Variants in CACNA1D observed in about 807,000 individuals in gnomAD.
The protein encoded by CACNA1D is calcium voltage-gated channel subunit alpha1 D.
A neutral mutation model predicts 257.1 loss-of-function variants in CACNA1D; 55 were observed. The observed-to-expected ratio is 0.21, with a 90% CI of 0.17 to 0.27. The LOEUF is 0.27. Among genes scored for constraint, CACNA1D ranks in the 10% least tolerant of loss-of-function variants. The pLI is 1.00. For synonymous variants in CACNA1D, 980 were observed against 1,014.9 expected (o/e 0.97, Z 0.65); for missense variants, 1,876 against 2,784.0 (o/e 0.67, Z 7.34).
chr3:53,527,023 A>C (rs2091790485), intron 3 of CACNA1D, among the ~76,000 whole-genome samples: 1 of 152,248 alleles, frequency 6.6e-6, no homozygotes, highest in Non-Finnish European at 1.5e-5. Flanking sequence ...CGTGTTAGAA[A>C]GCTCTCAAAC....
At chr3:53,580,390 A>G (rs889400769) in intron 3 of CACNA1D, among the ~76,000 whole-genome samples, 1 of 152,200 alleles carries the variant, frequency 6.6e-6, no homozygotes, top group Non-Finnish European at 1.5e-5. Flanking sequence ...TGTCTTTTAC[A>G]ATGTTTAGCA....
At chr3:53,552,628 G>A (rs527664771) in intron 3 of CACNA1D, among the ~76,000 whole-genome samples, 4 of 152,234 alleles carry the variant, frequency 2.6e-5, no homozygotes, top group Non-Finnish European at 2.9e-5. Context: ...TGATCTGCCC[G>A]CCTCGGCCTC....
chr3:53,673,587 C>A lies in CACNA1D; in HGVS notation c.1220+461C>A. The A allele has an allele frequency of 1.3e-6, 1 of 752,758 alleles. No homozygotes were observed. Among genetic ancestry groups the A allele is most frequent in the South Asian group, 1.4e-5 (1 of 69,556 alleles). The allele number at this position is 752,758 out of a possible 1,614,324, so 46.6% of individuals were successfully genotyped here. On this transcript the variant is annotated intron_variant, in intron 8 of 47. Transcript: ENST00000350061. The surrounding 1 kb of genome is among the most constrained non-coding windows in gnomAD (Gnocchi z 4.1). ...GAAAAAAAAAAAAAAAGGGAAGGAC[C>A]TAGGCCCAGTCCCTGTCCTAGGAGC...
At chr3:53,558,894 A>T (rs60675461) in intron 3 of CACNA1D, among the ~76,000 whole-genome samples, 4,427 of 152,174 alleles carry the variant, frequency 0.029, 224 homozygotes, top group African/African-American at 0.1. Context: ...TGCAGTGGTA[A>T]GTTTAGGTCT....
At chr3:53,573,917 CACT>C (rs1349947223) in intron 3 of CACNA1D, among the ~76,000 whole-genome samples, 10 of 152,084 alleles carry the variant, frequency 6.6e-5, no homozygotes, top group African/African-American at 9.7e-5. Flanking sequence ...TAACCATCAC[CACT>C]GTCTGCTCCC....
intron 31 of CACNA1D, 53 bp from the exon 32 acceptor site, chr3:53,770,371 T>A (rs2095359766): frequency 1.3e-6 from 2 of 1,572,292 alleles, no homozygotes; most frequent in Non-Finnish European, 1.8e-6. Flanking sequence ...TTTCTGAAAG[T>A]GTTGCATGTT....
chr3:53,790,876 C>T (rs977117207), intron 40 of CACNA1D: 1 of 680,214 alleles, frequency 1.5e-6, no homozygotes, highest in Non-Finnish European at 2.7e-6. Flanking sequence ...CATGATTCTA[C>T]CTGAAGCCAT....
Position 53,656,667 on chromosome 3 carries a change from A to G in CACNA1D, c.624-3466A>G, listed in dbSNP as rs148096868. 3.5e-3 allele frequency among the ~76,000 whole-genome samples: 533 copies of G among 152,376 alleles called. 3 individuals carry two copies. Among genetic ancestry groups the G allele is most frequent in the African/African-American group, 0.012 (505 of 41,598 alleles). On this transcript the variant is annotated intron_variant, in intron 4 of 47. Transcript: ENST00000350061. ...ACAGATTGTGAAAAATATTCACAAT[A>G]CATACACTTGTATTCAGAATATATA...
chr3:53,742,867 GCTCAACCCCGTTGGTTTA>G, intron 21 of CACNA1D, 126 bp from the exon 22 acceptor site: 1 of 691,386 alleles, frequency 1.4e-6, no homozygotes, highest in Non-Finnish European at 2.7e-6. Flanking sequence ...TTATCCTGTG[GCTCAACCCCGTTGGTTTA>G]CATTTCTGAC....
chr3:53,649,261 T>A (rs1198228854), intron 3 of CACNA1D, among the ~76,000 whole-genome samples: 1 of 152,226 alleles, frequency 6.6e-6, no homozygotes, highest in East Asian at 1.9e-4. Context: ...ATCCTAAAAT[T>A]TGTGTTTTTA....
intron 3 of CACNA1D, among the ~76,000 whole-genome samples, chr3:53,596,918 G>T (rs1249944027): frequency 1.3e-5 from 2 of 152,190 alleles, no homozygotes. Flanking sequence ...CTAAAATGGG[G>T]ACACAAAATG....
Position 53,808,734 on chromosome 3 carries a change from T to G in CACNA1D, c.5835T>G (p.His1945Gln), listed in dbSNP as rs1158239241. 1.9e-6 allele frequency: 3 copies of G among 1,608,508 alleles called. No individual in the cohort carries two copies. Among genetic ancestry groups the G allele is most frequent in the Non-Finnish European group, 2.5e-6 (3 of 1,179,976 alleles). The part of the protein sequence containing the change: ...EEVPSSPIFP[H>Q]RTALPLHLMQ... Reference sequence around the variant, plus strand: ...TCCCGTCGTCTCCCATCTTCCCCCATCGCACGGCCCTGCCTCTGCATCTAA... The same window carrying G: ...TCCCGTCGTCTCCCATCTTCCCCCAGCGCACGGCCCTGCCTCTGCATCTAA... The change falls in exon 46 of 48, where the codon CAT (histidine) becomes CAG (glutamine). Residue 1945 changes from histidine (H) to glutamine (Q), a missense_variant. Around this residue, in one of 10 missense-constraint regions of CACNA1D, gnomAD observed 491 missense variants for 554.3 expected, o/e 0.89. Transcript: ENST00000350061.
chr3:53,553,215 A>T (rs2092570511), intron 3 of CACNA1D, among the ~76,000 whole-genome samples: 2 of 152,376 alleles, frequency 1.3e-5, no homozygotes, highest in African/African-American at 4.8e-5. Flanking sequence ...TTAGTGGAGC[A>T]TGTTAGTGAA....
chr3:53,654,393 G>T (rs557971473), intron 4 of CACNA1D, among the ~76,000 whole-genome samples: 1 of 152,154 alleles, frequency 6.6e-6, no homozygotes, highest in East Asian at 1.9e-4. Flanking sequence ...TAGAAATAAA[G>T]TACATGACAA....
intron 3 of CACNA1D, among the ~76,000 whole-genome samples, chr3:53,504,693 A>ATT (rs201679340): frequency 2.0e-5 from 3 of 148,782 alleles, no homozygotes; most frequent in Non-Finnish European, 3.0e-5. Flanking sequence ...TTTTATTATT[A>ATT]TTTTTTTTTT....
At chr3:53,710,058 G>A (rs543532502) in intron 9 of CACNA1D, among the ~76,000 whole-genome samples, 2 of 152,180 alleles carry the variant, frequency 1.3e-5, no homozygotes, top group Non-Finnish European at 2.9e-5. Context: ...TATCCAGTCT[G>A]TACAGGGCTC....
intron 3 of CACNA1D, among the ~76,000 whole-genome samples, chr3:53,549,998 T>C (rs948329920): frequency 1.4e-4 from 21 of 152,134 alleles, no homozygotes; most frequent in African/African-American, 5.1e-4. Flanking sequence ...AGAATAAGGA[T>C]TTAAAGTGAA....
chr3:53,732,636 AC>A (rs1374180635), intron 18 of CACNA1D, among the ~76,000 whole-genome samples, 178 bp from the exon 19 acceptor site: 1 of 151,666 alleles, frequency 6.6e-6, no homozygotes, highest in Non-Finnish European at 1.5e-5. Context: ...ACTTCTCAGC[AC>A]CCCCCACCCC....
At chr3:53,610,564 G>A (rs2093570455) in intron 3 of CACNA1D, among the ~76,000 whole-genome samples, 1 of 152,192 alleles carries the variant, frequency 6.6e-6, no homozygotes. Flanking sequence ...ACCTTGGAAA[G>A]ACCAGTTTTA....
Sources: allele counts gnomAD v4.1 joint callset (sites outside exome capture counted in the v4.1 genomes callset), GRCh38; gene constraint gnomAD v4.1.1; regional missense constraint gnomAD v4.1.1; non-coding constraint Gnocchi (gnomAD v3.1); transcripts MANE v1.5; gene names NCBI Gene and HGNC (gene_info 2026-07-23, HGNC 2026-07-21).